Variants in SFXN3 observed in about 807,000 individuals in gnomAD.
SFXN3 encodes sideroflexin-3.
SFXN3 carries 31 observed loss-of-function variants against 40.4 expected under a neutral mutation model. That is an observed-to-expected ratio of 0.77 (90% CI 0.58 to 1.04). SFXN3 has a LOEUF of 1.04. Among genes scored for constraint, SFXN3 ranks in the 50% least tolerant of loss-of-function variants. SFXN3 has a pLI of 0.00. For missense variants in SFXN3, 366 were observed against 408.2 expected (o/e 0.90, Z 0.89); for synonymous variants, 157 against 160.0 (o/e 0.98, Z 0.14).
chr10:101,036,728 G>T lies in SFXN3; in HGVS notation c.513G>T (p.Leu171=). 1 of 1,609,908 alleles carries T rather than the reference G, an allele frequency of 6.2e-7. No individual in the cohort carries two copies. Among genetic ancestry groups the T allele is most frequent in the Non-Finnish European group, 8.5e-7 (1 of 1,176,766 alleles). ...ACAACACCCTTCCTCCCCAGCACCT[G>T]CCCCCCTTGGTCGGCAGATTTGTGC... The change falls in exon 7 of 12, where the codon CTG becomes CTT. Residue 171 remains leucine (L), a synonymous_variant. Transcript: ENST00000393459. This position sits in a 1 kb window ranked among gnomAD's most constrained non-coding sequence, Gnocchi z 4.2.
intron 10 of SFXN3, 91 bp downstream of exon 10, chr10:101,038,783 G>A (rs1938749699): frequency 1.3e-6 from 2 of 1,575,998 alleles, no homozygotes; most frequent in Non-Finnish European, 1.7e-6. Flanking sequence ...GATGTTTATA[G>A]ACATCATCCA....
intron 1 of SFXN3, 134 bp from the exon 2 acceptor site, chr10:101,032,180 C>T: frequency 1.3e-5 from 5 of 379,130 alleles, no homozygotes; most frequent in Non-Finnish European, 2.4e-5. Flanking sequence ...GCGGCTCCAG[C>T]CCCTCCTCCC....
At chr10:101,032,524 G>T in intron 2 of SFXN3, 42 bp downstream of exon 2, 1 of 1,518,816 alleles carries the variant, frequency 6.6e-7, no homozygotes, top group East Asian at 2.6e-5. Flanking sequence ...TCTGGAATGG[G>T]GGTCAGAGAA....
intron 1 of SFXN3, 151 bp from the exon 2 acceptor site, chr10:101,032,163 A>C: frequency 2.9e-6 from 1 of 346,308 alleles, no homozygotes. Flanking sequence ...CCAAGGGAGC[A>C]GCGCCCGCGG....
rs770195030 is a variant in SFXN3 at position 101,037,426 on chromosome 10, C to T, written c.766C>T (p.Leu256=). 6 of 1,614,098 alleles carry T rather than the reference C, an allele frequency of 3.7e-6. No individual in the cohort carries two copies. The Admixed American group carries it at 8.3e-5, about 22-fold the overall frequency. Residue 256 remains leucine, a synonymous_variant, in exon 9 of 12, where the codon CTG becomes TTG. Transcript: ENST00000393459. ...GGACACTCTGGAGAAGAAAGACTTC[C>T]TGAAGGTAGGCGACTGTACCTCTCT...
exon 12 of SFXN3, chr10:101,040,203 C>G (rs144892418): frequency 1.0e-3 from 157 of 154,742 alleles, no homozygotes; most frequent in Non-Finnish European, 1.8e-3. Context: ...CCCTTGTATC[C>G]TGGAATAGCT....
Position 101,036,640 on chromosome 10 carries a change from AC to A in SFXN3, c.507+81del, listed in dbSNP as rs1938619145. 1 of 1,610,826 alleles carries A rather than the reference AC, an allele frequency of 6.2e-7. No individual in the cohort carries two copies. Among genetic ancestry groups the A allele is most frequent in the Admixed American group, 1.7e-5 (1 of 59,772 alleles). ...CTTCCTCATCACACCTCCAGTTCTG[AC>A]CTATATGCCCCCTATATCTCCCCAG... On this transcript the variant is annotated intron_variant, in intron 6 of 11. Transcript: ENST00000393459. The surrounding 1 kb of genome is among the most constrained non-coding windows in gnomAD (Gnocchi z 4.2).
chr10:101,034,684 T>C lies in SFXN3; in HGVS notation c.-3-8T>C, dbSNP rs754889047. 1 of 1,613,768 alleles carries C rather than the reference T, an allele frequency of 6.2e-7. No homozygotes were observed. Among genetic ancestry groups the C allele is most frequent in the African/African-American group, 1.3e-5 (1 of 75,034 alleles). ...ACTCCCGCTCTGACCCTTATCTCTG[T>C]CCTGCAGAAAATGGGTGAATTGCCT... On this transcript the variant is annotated splice_polypyrimidine_tract_variant and splice_region_variant and intron_variant, in intron 2 of 11. Coordinates refer to ENST00000393459, the Ensembl canonical transcript of SFXN3.
At chr10:101,034,984 G>A (rs536155021) in intron 3 of SFXN3, 129 bp downstream of exon 3, 175 of 1,237,684 alleles carry the variant, frequency 1.4e-4, no homozygotes, top group Non-Finnish European at 1.7e-4. Context: ...CTCTAGCCCC[G>A]TCTGTTGGCA....
Position 101,037,928 on chromosome 10 carries a change from C to T in SFXN3, c.771+497C>T, listed in dbSNP as rs549515353. On this transcript the variant is annotated intron_variant, in intron 9 of 11. Coordinates refer to ENST00000393459, the Ensembl canonical transcript of SFXN3. ...TGGCACTGAACACAATGGTTATGGC[C>T]CCTGTCCTCATGAAGTTTATAGTCT... 8.2e-6 allele frequency: 7 copies of T among 856,784 alleles called. No homozygotes were observed. The East Asian group carries it at 7.3e-4, about 90-fold the overall frequency. 53.1% of individuals were successfully genotyped at this position (856,784 alleles called of 1,614,324 possible).
chr10:101,038,663 A>G (rs779354565), exon 10 of SFXN3: 1 of 1,613,054 alleles, frequency 6.2e-7, no homozygotes, highest in African/African-American at 1.3e-5. Context: ...GGCTGGGGGC[A>G]CCCCTGCAGG....
At chr10:101,037,283 G>A in intron 8 of SFXN3, 80 bp downstream of exon 8, 2 of 1,613,750 alleles carry the variant, frequency 1.2e-6, no homozygotes, top group South Asian at 2.2e-5. Context: ...GGAGGACTCT[G>A]GGGAGAGAGG....
At position 101,039,836 on chromosome 10, in the gene SFXN3, C is replaced by T. The variant is rs1938813855; in HGVS notation, c.*251C>T. 1.1e-5 allele frequency: 6 copies of T among 541,938 alleles called. No individual in the cohort carries two copies. The highest frequency in any genetic ancestry group is 2.0e-5 in the Non-Finnish European group (6 of 300,040). 33.6% of individuals were successfully genotyped at this position (541,938 alleles called of 1,614,324 possible). A position where few individuals can be genotyped will look rare whatever the true frequency, so the allele number is the denominator to read the frequency against. On this transcript the variant is annotated 3_prime_UTR_variant, in exon 12 of 12. Transcript: ENST00000393459. The surrounding 1 kb of genome is among the most constrained non-coding windows in gnomAD (Gnocchi z 4.6). Reference sequence around the variant, plus strand: ...TGTCCATGCATATACATACATGATACACATGTGTATGTGTACATTGGGTCC... The same window carrying T: ...TGTCCATGCATATACATACATGATATACATGTGTATGTGTACATTGGGTCC...
Position 101,036,993 on chromosome 10 carries a change from G to C in SFXN3, c.594-83G>C. On this transcript the variant is annotated intron_variant, in intron 7 of 11. Coordinates refer to ENST00000393459, the Ensembl canonical transcript of SFXN3. The surrounding 1 kb of genome is among the most constrained non-coding windows in gnomAD (Gnocchi z 4.2). Reference sequence around the variant, plus strand: ...CCTTTGAGCCTGGGGTGTGTGAGGGGACCCTGAGGAGCCGCTGCTCATTCG... The same window carrying C: ...CCTTTGAGCCTGGGGTGTGTGAGGGCACCCTGAGGAGCCGCTGCTCATTCG... 1.3e-6 allele frequency: 2 copies of C among 1,574,276 alleles called. No homozygotes were observed. Among genetic ancestry groups the C allele is most frequent in the Non-Finnish European group, 1.7e-6 (2 of 1,160,398 alleles).
rs1350301254 is a variant in SFXN3, at chr10:101,039,503, G to A, written c.884G>A (p.Ser295Asn). 6.2e-7 allele frequency: 1 copy of A among 1,614,094 alleles called. No homozygotes were observed. Among genetic ancestry groups the A allele is most frequent in the African/African-American group, 1.3e-5 (1 of 75,022 alleles). ...TTCTATTGCAGCTCCATACACATAAGCAACCTGGAACCAGAGCTGAGAGCT... is the reference window on the plus strand; with the variant it reads ...TTCTATTGCAGCTCCATACACATAAACAACCTGGAACCAGAGCTGAGAGCT... The change falls in exon 12 of 12, where the codon AGC becomes AAC. Residue 295 changes from serine (S) to asparagine (N), a missense_variant. By Grantham distance (46) the Ser-to-Asn change is conservative. Transcript: ENST00000393459. This position sits in a 1 kb window ranked among gnomAD's most constrained non-coding sequence, Gnocchi z 4.6.
At position 101,039,745 on chromosome 10, in the gene SFXN3, C is replaced by T; in HGVS notation, c.*160C>T. ...ACCTATTAGGGTGGGGGAGGGACCTCCATAAGGCTTTTCCTCCCTTCTCTG... is the reference window on the plus strand; with the variant it reads ...ACCTATTAGGGTGGGGGAGGGACCTTCATAAGGCTTTTCCTCCCTTCTCTG... On this transcript the variant is annotated 3_prime_UTR_variant, in exon 12 of 12. Coordinates refer to ENST00000393459, the Ensembl canonical transcript of SFXN3. The surrounding 1 kb of genome is among the most constrained non-coding windows in gnomAD (Gnocchi z 4.6). 3.1e-6 allele frequency: 2 copies of T among 649,524 alleles called. No homozygotes were observed. Among genetic ancestry groups the T allele is most frequent in the East Asian group, 2.7e-5 (1 of 36,594 alleles). The allele number at this position is 649,524 out of a possible 1,614,324, so 40.2% of individuals were successfully genotyped here.
intron 9 of SFXN3, 58 bp downstream of exon 9, chr10:101,037,489 G>A: frequency 6.2e-7 from 1 of 1,613,686 alleles, no homozygotes; most frequent in Non-Finnish European, 8.5e-7. Context: ...AAGTGACCAG[G>A]CCCCAACTCT....
At chr10:101,033,752 G>A (rs916383008) in intron 2 of SFXN3, among the ~76,000 whole-genome samples, 1 of 152,106 alleles carries the variant, frequency 6.6e-6, no homozygotes. Context: ...AAGGAATGTA[G>A]TAGTAGAGCA....
chr10:101,037,090 G>C lies in SFXN3; in HGVS notation c.608G>C (p.Gly203Ala), dbSNP rs1354815036. ...CTCCCTTGCAGAGAGCTGCAGGTGG[G>C]CATCCCGGTGGCTGATGAGGCAGGT... is the stretch of plus-strand genomic sequence containing the variant. Residue 203 changes from glycine (G) to alanine (A), a missense_variant, in exon 8 of 12, where the codon GGC becomes GCC. Physicochemically the swap from Gly to Ala is moderately conservative, Grantham distance 60. Transcript: ENST00000393459. 8 of 1,613,694 alleles carry C rather than the reference G, an allele frequency of 5.0e-6. No homozygotes were observed. The Admixed American group carries it at 6.7e-5, about 13-fold the overall frequency.
Sources: allele counts gnomAD v4.1 joint callset (sites outside exome capture counted in the v4.1 genomes callset), GRCh38; gene constraint gnomAD v4.1.1; non-coding constraint Gnocchi (gnomAD v3.1); transcripts MANE v1.5; gene names NCBI Gene and HGNC (gene_info 2026-07-23, HGNC 2026-07-21).